Variants in GPHN observed in about 807,000 individuals in gnomAD.
GPHN encodes gephyrin.
In GPHN, 17 loss-of-function variants were observed where a neutral mutation model predicts 95.5. That is an observed-to-expected ratio of 0.18 (90% CI 0.12 to 0.27). The LOEUF is 0.27. Ranked by LOEUF, GPHN falls within the 10% of genes least tolerant of loss-of-function variation. The pLI is 1.00. For missense variants in GPHN, 660 were observed against 978.1 expected, an observed-to-expected ratio of 0.67 and a Z score of 4.34; for synonymous variants, 320 against 322.5, an observed-to-expected ratio of 0.99 and a Z score of 0.08.
At chr14:67,538,881 T>C in the GPHN span, among the ~76,000 whole-genome samples, 1 of 152,164 alleles carries the variant, frequency 6.6e-6, no homozygotes, top group Non-Finnish European at 1.5e-5. Flanking sequence ...ATCTCAGATA[T>C]CAGGGCTAGG....
At chr14:67,315,835 G>A in the GPHN span, among the ~76,000 whole-genome samples, 1 of 152,196 alleles carries the variant, frequency 6.6e-6, no homozygotes, top group South Asian at 2.1e-4. Context: ...TGAGGCATGC[G>A]AATCCCTTGA....
the GPHN span, among the ~76,000 whole-genome samples, chr14:67,352,070 A>G: frequency 2.6e-5 from 4 of 152,016 alleles, no homozygotes; most frequent in Non-Finnish European, 5.9e-5. Context: ...TGATCACTTG[A>G]GCCCAGGTGG....
intron 11 of GPHN, among the ~76,000 whole-genome samples, chr14:67,078,457 T>A (rs2076576992): frequency 1.3e-5 from 2 of 152,278 alleles, no homozygotes; most frequent in East Asian, 1.9e-4. Context: ...CGGTTCCCAT[T>A]TAAGTTTGAA....
chr14:67,529,288 T>G, the GPHN span, among the ~76,000 whole-genome samples: 1 of 152,138 alleles, frequency 6.6e-6, no homozygotes, highest in Non-Finnish European at 1.5e-5. Context: ...TTGCAGTGAA[T>G]GTATGTGGTA....
At chr14:67,308,355 C>T in the GPHN span, among the ~76,000 whole-genome samples, 1 of 147,214 alleles carries the variant, frequency 6.8e-6, no homozygotes, top group Admixed American at 6.9e-5. Context: ...ATTTTGAGGG[C>T]GTCACCAATG....
At chr14:66,850,606 G>GT (rs1378353232) in intron 4 of GPHN, among the ~76,000 whole-genome samples, 36 of 152,252 alleles carry the variant, frequency 2.4e-4, no homozygotes, top group Admixed American at 2.4e-3. Context: ...ATTTTTGGTT[G>GT]TTACAATTGG....
the GPHN span, among the ~76,000 whole-genome samples, chr14:67,486,422 A>G: frequency 6.6e-6 from 1 of 152,218 alleles, no homozygotes; most frequent in Non-Finnish European, 1.5e-5. Context: ...CCACAGGTGC[A>G]TGCCACAATG....
At chr14:66,997,481 C>T (rs1209535774) in intron 9 of GPHN, among the ~76,000 whole-genome samples, 1 of 151,796 alleles carries the variant, frequency 6.6e-6, no homozygotes, top group Non-Finnish European at 1.5e-5. Context: ...CTGTAGCTAC[C>T]ATATTAAAGC....
At chr14:67,121,021 C>A (rs1274912520) in intron 16 of GPHN, among the ~76,000 whole-genome samples, 2 of 152,118 alleles carry the variant, frequency 1.3e-5, no homozygotes, top group Non-Finnish European at 2.9e-5. Flanking sequence ...AAGATTAGGA[C>A]TTGTGGTTAT....
the GPHN span, among the ~76,000 whole-genome samples, chr14:67,556,195 G>A: frequency 3.3e-5 from 5 of 152,216 alleles, no homozygotes; most frequent in African/African-American, 4.8e-5. Context: ...CAGTGATTCC[G>A]CTTCCACAGT....
chr14:66,968,023 A>G (rs2153589352), intron 9 of GPHN, among the ~76,000 whole-genome samples: 1 of 152,042 alleles, frequency 6.6e-6, no homozygotes, highest in East Asian at 1.9e-4. Flanking sequence ...TCAACAGCCA[A>G]TTTCAAATAT....
Position 66,879,926 on chromosome 14 carries a change from T to A in GPHN, c.295-13T>A. The stretch of plus-strand genomic sequence containing the variant: ...TTATTTCACTCAGTCTGCTATTTAA[T>A]CTTTAATTACAGGCCACAAAAGAAG... On this transcript the variant is annotated splice_polypyrimidine_tract_variant and intron_variant, in intron 4 of 22. Transcript: ENST00000478722. 1.3e-6 allele frequency: 2 copies of A among 1,562,022 alleles called. No homozygotes were observed. Among genetic ancestry groups the A allele is most frequent in the African/African-American group, 2.7e-5 (2 of 74,034 alleles).
the GPHN span, chr14:67,445,949 T>C: frequency 4.4e-6 from 2 of 459,446 alleles, no homozygotes; most frequent in African/African-American, 4.0e-5. Flanking sequence ...TAATGTCAAG[T>C]CCTTTGTCTT....
intron 9 of GPHN, among the ~76,000 whole-genome samples, chr14:67,016,457 A>G (rs968872856): frequency 6.6e-6 from 1 of 152,110 alleles, no homozygotes; most frequent in Non-Finnish European, 1.5e-5. Context: ...GGTTCTGTTA[A>G]TATTACTGTG....
chr14:67,454,267 C>T, the GPHN span: 1 of 152,254 alleles, frequency 6.6e-6, no homozygotes, highest in Non-Finnish European at 1.5e-5. Flanking sequence ...CTACTAAATA[C>T]ATAGCTGACA....
At chr14:66,689,793 C>T (rs1315003592) in intron 2 of GPHN, among the ~76,000 whole-genome samples, 1 of 151,966 alleles carries the variant, frequency 6.6e-6, no homozygotes, top group Non-Finnish European at 1.5e-5. Context: ...ACCATTTCTG[C>T]TAGGTTTTCT....
chr14:66,732,651 G>C (rs1189287490), intron 2 of GPHN, among the ~76,000 whole-genome samples: 1 of 151,932 alleles, frequency 6.6e-6, no homozygotes, highest in African/African-American at 2.4e-5. Flanking sequence ...CATGTAGCTG[G>C]TACTACAGGC....
At chr14:67,175,374 G>A (rs1251613387) in intron 21 of GPHN, among the ~76,000 whole-genome samples, 2 of 152,188 alleles carry the variant, frequency 1.3e-5, no homozygotes, top group African/African-American at 2.4e-5. Context: ...GTTTGTCAAA[G>A]ATCAGATGGT....
At chr14:66,527,111 T>G (rs1467526926) in intron 1 of GPHN, among the ~76,000 whole-genome samples, 2 of 152,120 alleles carry the variant, frequency 1.3e-5, no homozygotes, top group Non-Finnish European at 2.9e-5. Context: ...GTCCTGGACT[T>G]TTTTTGGTTA....
Sources: allele counts gnomAD v4.1 joint callset (sites outside exome capture counted in the v4.1 genomes callset), GRCh38; gene constraint gnomAD v4.1.1; transcripts MANE v1.5; gene names NCBI Gene and HGNC (gene_info 2026-07-23, HGNC 2026-07-21).